Variants in CDH2 observed in about 807,000 individuals in gnomAD.
The protein encoded by CDH2 is cadherin-2.
Under a neutral mutation model 92.0 loss-of-function variants are expected in CDH2, and 17 were observed. The ratio of observed to expected loss-of-function variants is 0.18; its 90% CI spans 0.13 to 0.28. The LOEUF is 0.28. Among genes scored for constraint, CDH2 ranks in the 10% least tolerant of loss-of-function variants. The probability of loss-of-function intolerance (pLI) is 1.00; values close to 1 mark genes in which losing one functional copy is unlikely to be tolerated. For synonymous variants in CDH2, 419 were observed against 415.9 expected (o/e 1.01, Z -0.09); for missense variants, 862 against 1,133.1 (o/e 0.76, Z 3.44).
At chr18:28,060,280 A>AG (rs2014376934) in intron 2 of CDH2, among the ~76,000 whole-genome samples, 1 of 152,098 alleles carries the variant, frequency 6.6e-6, no homozygotes, top group African/African-American at 2.4e-5. Flanking sequence ...TCTGCCTCCC[A>AG]GGTTCAAGCA....
chr18:28,046,626 G>A (rs990410317), intron 2 of CDH2, among the ~76,000 whole-genome samples: 5 of 152,144 alleles, frequency 3.3e-5, no homozygotes, highest in Non-Finnish European at 7.4e-5. Flanking sequence ...TGTGTAACAA[G>A]TCTTCTATGA....
intron 4 of CDH2, among the ~76,000 whole-genome samples, chr18:28,010,875 C>A (rs1162466914): frequency 6.6e-6 from 1 of 151,270 alleles, no homozygotes; most frequent in African/African-American, 2.4e-5. Context: ...TGGTCTTGAT[C>A]TCCTGACCTC....
chr18:27,938,676 T>C (rs1367518841), intron 6 of CDH2, among the ~76,000 whole-genome samples: 1 of 152,226 alleles, frequency 6.6e-6, no homozygotes, highest in Non-Finnish European at 1.5e-5. Context: ...GATTATGTTC[T>C]AGATATTTCC....
Position 28,089,753 on chromosome 18 carries a change from G to A in CDH2, c.172+57920C>T, listed in dbSNP as rs546156983. Among the ~76,000 whole-genome samples the A allele has an allele frequency of 4.6e-5, 7 of 152,238 alleles. No homozygotes were observed. In the South Asian group the frequency reaches 1.5e-3, roughly 32 times the overall value. Reference sequence around the variant, plus strand: ...GTAAGGTTAGCCAAATTCATAATTAGTACTCTTTACCAGGTCTTATTCCAA... The same window carrying A: ...GTAAGGTTAGCCAAATTCATAATTAATACTCTTTACCAGGTCTTATTCCAA... On this transcript the variant is annotated intron_variant, in intron 2 of 15. Coordinates refer to ENST00000269141, the MANE Select transcript of CDH2 (RefSeq NM_001792.5).
intron 1 of CDH2, among the ~76,000 whole-genome samples, chr18:28,175,237 TCC>T (rs1568027717): frequency 1.3e-5 from 2 of 152,130 alleles, no homozygotes; most frequent in East Asian, 3.9e-4. Context: ...AGGAATTCCA[TCC>T]ACTCTCCAAA....
At chr18:28,097,708 G>A (rs1032617150) in intron 2 of CDH2, among the ~76,000 whole-genome samples, 1 of 152,158 alleles carries the variant, frequency 6.6e-6, no homozygotes, top group Non-Finnish European at 1.5e-5. Flanking sequence ...TTGAGCATCT[G>A]CAGATTTTGG....
chr18:28,176,127 T>C (rs935974677), intron 1 of CDH2, among the ~76,000 whole-genome samples: 49 of 152,130 alleles, frequency 3.2e-4, no homozygotes, highest in Admixed American at 2.7e-3. Context: ...TAGTAGAGAT[T>C]AAATGAAAAG....
At chr18:27,954,234 G>A (rs1909600613) in intron 15 of CDH2, among the ~76,000 whole-genome samples, 1 of 152,186 alleles carries the variant, frequency 6.6e-6, no homozygotes, top group Admixed American at 6.5e-5. Flanking sequence ...CTAAGACTGA[G>A]AACCACAACC....
intron 2 of CDH2, among the ~76,000 whole-genome samples, chr18:28,017,062 A>G (rs1299860122): frequency 6.6e-6 from 1 of 152,000 alleles, no homozygotes; most frequent in Non-Finnish European, 1.5e-5. Context: ...TATGTTCATC[A>G]TTGCTCTGTT....
At chr18:28,118,015 GTTC>G (rs2015524185) in intron 2 of CDH2, among the ~76,000 whole-genome samples, 2 of 151,872 alleles carry the variant, frequency 1.3e-5, no homozygotes, top group Non-Finnish European at 2.9e-5. Flanking sequence ...GAGCAGTGAT[GTTC>G]CATCTGCATC....
At chr18:27,953,367 A>G (rs989957786) in intron 15 of CDH2, among the ~76,000 whole-genome samples, 4 of 152,168 alleles carry the variant, frequency 2.6e-5, no homozygotes, top group Admixed American at 2.0e-4. Context: ...GTCCTCTGGT[A>G]TATTTTCTAC....
chr18:28,021,185 T>G (rs1323474156), intron 2 of CDH2, among the ~76,000 whole-genome samples: 1 of 151,960 alleles, frequency 6.6e-6, no homozygotes, highest in East Asian at 1.9e-4. Context: ...TATACTGAGT[T>G]GATATTTAAT....
downstream of CDH2, among the ~76,000 whole-genome samples, chr18:27,947,475 C>G (rs1480963072): frequency 6.6e-6 from 1 of 151,508 alleles, no homozygotes; most frequent in Admixed American, 6.6e-5. Flanking sequence ...CAAAATAATT[C>G]TACAATTTAT....
chr18:28,150,368 T>C lies in CDH2; in HGVS notation c.61-2584A>G, dbSNP rs17495084. Among the ~76,000 whole-genome samples, 496 of 152,320 alleles carry C rather than the reference T, an allele frequency of 3.3e-3. 3 individuals are homozygous for C. The highest frequency in any genetic ancestry group is 0.011 in the African/African-American group (456 of 41,566). On this transcript the variant is annotated intron_variant, in intron 1 of 15. Coordinates refer to ENST00000269141, the MANE Select transcript of CDH2 (RefSeq NM_001792.5). ...TCAGAGATCAAGAAAGTCTCAAGAC[T>C]AGAGGAAAACCGTAAGCTTTTATTC...
intron 2 of CDH2, among the ~76,000 whole-genome samples, chr18:28,108,595 A>C (rs2015360138): frequency 6.6e-6 from 1 of 152,156 alleles, no homozygotes; most frequent in Admixed American, 6.5e-5. Context: ...TCATAAAATC[A>C]AGTTTATTCT....
rs978969100 is a variant in CDH2, at chr18:28,173,622, G to A, written c.60+3341C>T. On this transcript the variant is annotated intron_variant, in intron 1 of 15. Transcript: ENST00000269141. ...TCGTTTTTCCAAGGTCCTCACGCAG[G>A]GTTGAAACCAGGATCTGTTAAGTCT... 7.9e-5 allele frequency among the ~76,000 whole-genome samples: 12 copies of A among 151,964 alleles called. No individual in the cohort carries two copies. In the South Asian group the frequency reaches 2.3e-3, roughly 29 times the overall value.
intron 5 of CDH2, among the ~76,000 whole-genome samples, chr18:28,009,486 A>C (rs1429170343): frequency 6.6e-6 from 1 of 152,200 alleles, no homozygotes; most frequent in East Asian, 1.9e-4. Flanking sequence ...ATGAGATTTT[A>C]GGCAATTTCA....
chr18:28,036,377 ACTTTGTACATAAGTCTT>A, intron 2 of CDH2: 1 of 730,560 alleles, frequency 1.4e-6, no homozygotes, highest in Non-Finnish European at 2.4e-6. Context: ...TATAAAATGT[ACTTTGTACATAAGTCTT>A]CTCATTTTAT....
intron 2 of CDH2, among the ~76,000 whole-genome samples, chr18:28,096,090 G>A (rs536967458): frequency 4.6e-5 from 7 of 152,202 alleles, no homozygotes; most frequent in African/African-American, 1.7e-4. Context: ...GGATCCAAGT[G>A]GAAACCCAAC....
Sources: gnomAD v4.1 joint callset for allele counts (sites outside exome capture counted in the v4.1 genomes callset) on GRCh38, gnomAD v4.1.1 for gene constraint, MANE v1.5 for transcripts, NCBI Gene and HGNC (gene_info 2026-07-23, HGNC 2026-07-21) for gene names.